The following HMCN1 variants were observed in gnomAD, a reference collection of about 807,000 sequenced individuals.
The protein encoded by HMCN1 is hemicentin-1.
A neutral mutation model predicts 625.9 loss-of-function variants in HMCN1; 321 were observed. That is an observed-to-expected ratio of 0.51 (90% CI 0.47 to 0.56). HMCN1 has a LOEUF of 0.56. HMCN1 is among the 20% of genes least tolerant of loss of function. The pLI is 0.00. For synonymous variants in HMCN1, 2,425 were observed against 2,417.6 expected, an observed-to-expected ratio of 1.00 and a Z score of -0.09; for missense variants, 6,588 against 6,887.3, an observed-to-expected ratio of 0.96 and a Z score of 1.54.
intron 43 of HMCN1, 132 bp downstream of exon 43, chr1:186,053,206 G>C (rs1317179982): frequency 1.3e-6 from 1 of 796,042 alleles, no homozygotes. Context: ...CAGCAAAATT[G>C]CTTTATATTA....
chr1:186,004,916 C>A (rs1406097909), intron 29 of HMCN1, among the ~76,000 whole-genome samples: 1 of 151,992 alleles, frequency 6.6e-6, no homozygotes, highest in Non-Finnish European at 1.5e-5. Flanking sequence ...TGGAACACTG[C>A]TCACCAATTA....
At chr1:185,927,785 A>G (rs1478951925) in intron 9 of HMCN1, among the ~76,000 whole-genome samples, 2 of 152,140 alleles carry the variant, frequency 1.3e-5, no homozygotes, top group African/African-American at 2.4e-5. Context: ...AATTATGAAA[A>G]CATTTTTGAC....
At chr1:186,098,627 G>A (rs965509495) in intron 68 of HMCN1, among the ~76,000 whole-genome samples, 7 of 151,816 alleles carry the variant, frequency 4.6e-5, no homozygotes, top group African/African-American at 1.7e-4. Context: ...GAAAACAGAG[G>A]TTCCTAAAAA....
chr1:185,942,016 C>T (rs912133578), intron 11 of HMCN1, among the ~76,000 whole-genome samples: 4 of 151,734 alleles, frequency 2.6e-5, no homozygotes, highest in Non-Finnish European at 4.4e-5. Context: ...CATGGTGAAA[C>T]TCCATCTCTA....
intron 1 of HMCN1, among the ~76,000 whole-genome samples, chr1:185,764,302 T>C (rs1349302012): frequency 2.6e-5 from 4 of 152,192 alleles, no homozygotes; most frequent in Non-Finnish European, 4.4e-5. Flanking sequence ...GTAAAGAGTT[T>C]GATAAATTCA....
Position 185,982,284 on chromosome 1 carries a change from C to T in HMCN1, c.2685C>T (p.Ser895=). Residue 895 remains serine (S), a synonymous_variant, in exon 18 of 107, where the codon AGC becomes AGT. Coordinates refer to ENST00000271588, the MANE Select transcript of HMCN1 (RefSeq NM_031935.3). ...TGLVAPLIGI[S]PSVANVIEGQ... is the part of the protein sequence containing the mutation. ...TAGTTGCTCCACTTATTGGAATCAGCCCTTCAGTGGCCAATGTTATTGAAG... is the reference window on the plus strand; with the variant it reads ...TAGTTGCTCCACTTATTGGAATCAGTCCTTCAGTGGCCAATGTTATTGAAG... 6.2e-7 allele frequency: 1 copy of T among 1,613,530 alleles called. No homozygotes were observed. Among genetic ancestry groups the T allele is most frequent in the Non-Finnish European group, 8.5e-7 (1 of 1,179,504 alleles).
chr1:185,863,854 G>T (rs934002178), intron 2 of HMCN1, among the ~76,000 whole-genome samples: 1 of 152,230 alleles, frequency 6.6e-6, no homozygotes, highest in Admixed American at 6.5e-5. Flanking sequence ...GTCAGGGAAA[G>T]TTTCTCTGGC....
intron 68 of HMCN1, among the ~76,000 whole-genome samples, chr1:186,098,460 AAACAAAGGC>A (rs1402149424): frequency 6.6e-6 from 1 of 152,192 alleles, no homozygotes; most frequent in African/African-American, 2.4e-5. Flanking sequence ...ACTAATCATC[AAACAAAGGC>A]AAATCAAAAC....
chr1:186,152,758 TTG>T lies in HMCN1; in HGVS notation c.14906_14907del (p.Leu4969SerfsTer33). On this transcript the variant is annotated frameshift_variant, in exon 96 of 107. Transcript: ENST00000271588. LOFTEE classifies it high-confidence loss of function. Reference sequence around the variant, plus strand: ...TGTCTTGTAATTCCCAGGAGAAATCTTGCAGATGAGTCATATTGCCCGGGGCT... The same window carrying T: ...TGTCTTGTAATTCCCAGGAGAAATCTCAGATGAGTCATATTGCCCGGGGCT... The part of the protein sequence containing the change: ...TQVEFATGEI[L>X]QMSHIARGLD... 6.2e-7 allele frequency: 1 copy of T among 1,613,936 alleles called. No homozygotes were observed. Among genetic ancestry groups the T allele is most frequent in the Non-Finnish European group, 8.5e-7 (1 of 1,179,806 alleles).
intron 2 of HMCN1, among the ~76,000 whole-genome samples, chr1:185,847,340 T>A (rs1313288567): frequency 1.3e-5 from 2 of 152,168 alleles, no homozygotes; most frequent in African/African-American, 2.4e-5. Flanking sequence ...CTCTTAATAC[T>A]CCCATGATGT....
At chr1:186,071,673 T>G (rs1352564559) in intron 52 of HMCN1, among the ~76,000 whole-genome samples, 2 of 152,168 alleles carry the variant, frequency 1.3e-5, no homozygotes, top group Non-Finnish European at 2.9e-5. Context: ...CAGATGGATT[T>G]TGCAATATTG....
intron 72 of HMCN1, among the ~76,000 whole-genome samples, chr1:186,113,270 A>G (rs1434850070): frequency 6.6e-6 from 1 of 152,218 alleles, no homozygotes; most frequent in Non-Finnish European, 1.5e-5. Flanking sequence ...CAAATGGCCC[A>G]TCATTTAGTT....
chr1:185,783,691 A>G (rs149958679), intron 1 of HMCN1, among the ~76,000 whole-genome samples: 3 of 152,184 alleles, frequency 2.0e-5, no homozygotes. Context: ...TTGATGCCTG[A>G]TCATTCCTCT....
intron 11 of HMCN1, among the ~76,000 whole-genome samples, chr1:185,947,721 G>A (rs187461995): frequency 1.2e-3 from 180 of 152,148 alleles, no homozygotes; most frequent in African/African-American, 3.8e-3. Context: ...TTTTCTCTTT[G>A]GAAGAAATCC....
At chr1:185,839,884 G>T (rs546532870) in intron 1 of HMCN1, among the ~76,000 whole-genome samples, 21 of 152,072 alleles carry the variant, frequency 1.4e-4, no homozygotes, top group Non-Finnish European at 3.1e-4. Flanking sequence ...TTTGGAAGTG[G>T]AACAGAATGC....
intron 4 of HMCN1, among the ~76,000 whole-genome samples, chr1:185,886,032 G>T (rs374743454): frequency 1.3e-5 from 2 of 152,072 alleles, no homozygotes; most frequent in South Asian, 2.1e-4. Flanking sequence ...AATGCTTATT[G>T]TGTCCCTGAT....
intron 16 of HMCN1, among the ~76,000 whole-genome samples, chr1:185,979,090 G>A (rs745443605): frequency 1.3e-5 from 2 of 152,152 alleles, no homozygotes; most frequent in Non-Finnish European, 2.9e-5. Context: ...GAGCTCTGTG[G>A]TGGACAGATT....
At chr1:185,999,809 A>G (rs973832235) in intron 25 of HMCN1, among the ~76,000 whole-genome samples, 5 of 152,132 alleles carry the variant, frequency 3.3e-5, no homozygotes, top group African/African-American at 1.2e-4. Flanking sequence ...ATGTTTAGAT[A>G]AAAACAACTT....
Position 186,074,880 on chromosome 1 carries a change from T to G in HMCN1, c.8279T>G (p.Val2760Gly). Residue 2760 changes from valine to glycine, a missense_variant, in exon 53 of 107, where the codon GTG becomes GGG. This residue lies in a region of HMCN1 where 4,628 missense variants were observed against 4,853.1 expected (regional missense o/e 0.95). Transcript: ENST00000271588. ...IAGEDELDFDVNIQVPPSFQK... is the reference protein window; with the variant it reads ...IAGEDELDFDGNIQVPPSFQK... ...GGTGAAGATGAGTTGGATTTTGATGTGAATATTCAAGGTAATACTAATTGC... is the reference window on the plus strand; with the variant it reads ...GGTGAAGATGAGTTGGATTTTGATGGGAATATTCAAGGTAATACTAATTGC... 1 of 1,611,386 alleles carries G rather than the reference T, an allele frequency of 6.2e-7. No individual in the cohort carries two copies. The highest frequency in any genetic ancestry group is 8.5e-7 in the Non-Finnish European group (1 of 1,177,834).
Sources: allele counts gnomAD v4.1 joint callset (sites outside exome capture counted in the v4.1 genomes callset), GRCh38; gene constraint gnomAD v4.1.1; regional missense constraint gnomAD v4.1.1; transcripts MANE v1.5; gene names NCBI Gene and HGNC (gene_info 2026-07-23, HGNC 2026-07-21).